The following MAP3K1 variants were observed in gnomAD, a reference collection of about 807,000 sequenced individuals.
MAP3K1 encodes the protein mitogen-activated protein kinase kinase kinase 1, also known as MAP/ERK kinase kinase 1.
Under a neutral mutation model 144.2 loss-of-function variants are expected in MAP3K1, and 36 were observed. The observed-to-expected ratio is 0.25, with a 90% CI of 0.19 to 0.33. MAP3K1 has a LOEUF of 0.33. Among genes scored for constraint, MAP3K1 ranks in the 10% least tolerant of loss-of-function variants. The pLI, the probability that MAP3K1 is intolerant of heterozygous loss-of-function variation, is 1.00. For missense variants in MAP3K1, 1,650 were observed against 1,881.9 expected, an observed-to-expected ratio of 0.88 and a Z score of 2.28; for synonymous variants, 718 against 688.7, an observed-to-expected ratio of 1.04 and a Z score of -0.67.
chr5:56,875,564 G>A (rs72644087), intron 10 of MAP3K1, among the ~76,000 whole-genome samples: 2 of 152,010 alleles, frequency 1.3e-5, no homozygotes, highest in African/African-American at 4.8e-5. Flanking sequence ...CTTTGCAGGG[G>A]TATCCAAGGG....
intron 2 of MAP3K1, among the ~76,000 whole-genome samples, chr5:56,859,279 A>C (rs531127396): frequency 6.6e-6 from 1 of 152,154 alleles, no homozygotes; most frequent in African/African-American, 2.4e-5. Flanking sequence ...TCAAGGTCCT[A>C]CATTTTGTAA....
chr5:56,878,873 A>G, intron 10 of MAP3K1, 107 bp from the exon 11 acceptor site: 1 of 917,822 alleles, frequency 1.1e-6, no homozygotes, highest in Non-Finnish European at 1.8e-6. Context: ...ATGGGTTATA[A>G]TCCATTCCTG....
Position 56,815,752 on chromosome 5 carries a change from G to A in MAP3K1, c.179G>A (p.Arg60Gln). ...GGRERADWRR[R>Q]QLRKVRSVEL... ...CGCGAGCGGGCGGACTGGCGGCGGC[G>A]GCAGCTGCGCAAAGTGCGGAGTGTG... Residue 60 changes from arginine (R) to glutamine (Q), a missense_variant, in exon 1 of 20, where the codon CGG (arginine) becomes CAG (glutamine). This residue lies in a region of MAP3K1 where 360 missense variants were observed against 274.7 expected (regional missense o/e 1.31). Coordinates refer to ENST00000399503, the MANE Select transcript of MAP3K1 (RefSeq NM_005921.2). The A allele has an allele frequency of 7.3e-7, 1 of 1,370,826 alleles. No homozygotes were observed. Among genetic ancestry groups the A allele is most frequent in the East Asian group, 3.2e-5 (1 of 31,500 alleles). The allele number at this position is 1,370,826 out of a possible 1,614,324, so 84.9% of individuals were successfully genotyped here. A position where few individuals can be genotyped will look rare whatever the true frequency, so the allele number is the denominator to read the frequency against.
intron 6 of MAP3K1, among the ~76,000 whole-genome samples, chr5:56,867,032 C>G (rs1286854842): frequency 6.6e-6 from 1 of 152,114 alleles, no homozygotes; most frequent in Non-Finnish European, 1.5e-5. Context: ...AAAAAATGAG[C>G]TTTATTTCTC....
intron 19 of MAP3K1, among the ~76,000 whole-genome samples, chr5:56,890,939 A>G (rs1046248016): frequency 3.3e-5 from 5 of 151,850 alleles, no homozygotes; most frequent in African/African-American, 1.2e-4. Flanking sequence ...CAGGGTACTC[A>G]GGAGGTTGAG....
chr5:56,871,683 A>G (rs1747856948), intron 6 of MAP3K1, among the ~76,000 whole-genome samples: 1 of 152,190 alleles, frequency 6.6e-6, no homozygotes, highest in South Asian at 2.1e-4. Flanking sequence ...AATTGTTTTC[A>G]TAGCAAAGAA....
Position 56,893,758 on chromosome 5 carries a change from T to C in MAP3K1, c.*78T>C, listed in dbSNP as rs1345486571. Reference sequence around the variant, plus strand: ...AAACTTGTGGGGAACCACATTGATATTCTACTGGCCATGATGCCACTGAAC... The same window carrying C: ...AAACTTGTGGGGAACCACATTGATACTCTACTGGCCATGATGCCACTGAAC... On this transcript the variant is annotated 3_prime_UTR_variant, in exon 20 of 20. Coordinates refer to ENST00000399503, the MANE Select transcript of MAP3K1 (RefSeq NM_005921.2). The C allele has an allele frequency of 4.8e-5, 72 of 1,495,228 alleles. No individual in the cohort carries two copies. Among genetic ancestry groups the C allele is most frequent in the Non-Finnish European group, 5.9e-5 (64 of 1,086,020 alleles). The allele number at this position is 1,495,228 out of a possible 1,614,324, so 92.6% of individuals were successfully genotyped here. A position where few individuals can be genotyped will look rare whatever the true frequency, so the allele number is the denominator to read the frequency against.
chr5:56,865,061 T>C, intron 4 of MAP3K1, 127 bp downstream of exon 4: 1 of 931,878 alleles, frequency 1.1e-6, no homozygotes, highest in Non-Finnish European at 1.6e-6. Context: ...AAACTTAAAA[T>C]GTATTTTAGG....
chr5:56,819,226 A>G (rs1192770062), intron 1 of MAP3K1, among the ~76,000 whole-genome samples: 2 of 152,194 alleles, frequency 1.3e-5, no homozygotes, highest in African/African-American at 4.8e-5. Flanking sequence ...CTGGTTAACC[A>G]ACATTCCTTA....
chr5:56,827,627 G>T (rs1046310705), intron 1 of MAP3K1, among the ~76,000 whole-genome samples: 10 of 152,156 alleles, frequency 6.6e-5, no homozygotes, highest in Admixed American at 4.6e-4. Flanking sequence ...ACTTTGGGAG[G>T]CTGAGGCGGG....
At chr5:56,830,349 T>G (rs1249235118) in intron 1 of MAP3K1, among the ~76,000 whole-genome samples, 2 of 152,236 alleles carry the variant, frequency 1.3e-5, no homozygotes, top group Non-Finnish European at 2.9e-5. Flanking sequence ...AAATGAAATT[T>G]TTTTTCCCCA....
intron 3 of MAP3K1, chr5:56,862,268 G>A (rs978067815): frequency 6.6e-6 from 1 of 152,134 alleles, no homozygotes; most frequent in African/African-American, 2.4e-5. Context: ...GTATTGTTTC[G>A]AGAGGCAAGT....
At chr5:56,862,827 G>A (rs1397710608) in intron 3 of MAP3K1, among the ~76,000 whole-genome samples, 1 of 151,984 alleles carries the variant, frequency 6.6e-6, no homozygotes, top group Non-Finnish European at 1.5e-5. Context: ...TTATTGATGT[G>A]TAATTCATCT....
chr5:56,889,477 T>A (rs1748482129), intron 19 of MAP3K1, among the ~76,000 whole-genome samples: 3 of 152,220 alleles, frequency 2.0e-5, no homozygotes, highest in African/African-American at 7.2e-5. Context: ...TACTATTTTG[T>A]ATATTTTAAA....
chr5:56,869,086 C>CA (rs772978664), intron 6 of MAP3K1, among the ~76,000 whole-genome samples: 5,567 of 139,376 alleles, frequency 0.04, 368 homozygotes, highest in African/African-American at 0.14. Context: ...CTGTCTGTAC[C>CA]AAAAAAAAAA....
intron 19 of MAP3K1, among the ~76,000 whole-genome samples, chr5:56,889,131 T>C (rs1748470916): frequency 6.6e-6 from 1 of 152,216 alleles, no homozygotes. Context: ...AATTCAAAAA[T>C]CTTAAAATCT....
At chr5:56,883,906 T>C (rs1748300675) in intron 15 of MAP3K1, among the ~76,000 whole-genome samples, 1 of 152,156 alleles carries the variant, frequency 6.6e-6, no homozygotes, top group African/African-American at 2.4e-5. Flanking sequence ...CCCAGCACTT[T>C]GGGAGGCCAA....
Position 56,881,566 on chromosome 5 carries a change from T to A in MAP3K1, c.2370-4T>A. 1.9e-6 allele frequency: 3 copies of A among 1,604,650 alleles called. No homozygotes were observed. The highest frequency in any genetic ancestry group is 2.6e-6 in the Non-Finnish European group (3 of 1,171,956). On this transcript the variant is annotated splice_region_variant and splice_polypyrimidine_tract_variant and intron_variant, in intron 13 of 19. Transcript: ENST00000399503. Reference sequence around the variant, plus strand: ...ATATGGTAATGAATGTTTTTTTCTTTCAGGTATAAGAAGCTGCTGTCCCTC... The same window carrying A: ...ATATGGTAATGAATGTTTTTTTCTTACAGGTATAAGAAGCTGCTGTCCCTC...
intron 1 of MAP3K1, 24 bp downstream of exon 1, chr5:56,816,079 G>T: frequency 8.3e-7 from 1 of 1,207,656 alleles, no homozygotes; most frequent in Non-Finnish European, 1.0e-6. Context: ...CCGGGGTCGC[G>T]GCGGGGACTT....
Sources: allele counts gnomAD v4.1 joint callset (sites outside exome capture counted in the v4.1 genomes callset), GRCh38; gene constraint gnomAD v4.1.1; regional missense constraint gnomAD v4.1.1; transcripts MANE v1.5; gene names NCBI Gene and HGNC (gene_info 2026-07-23, HGNC 2026-07-21).